DMAC1: variants seen among roughly 807,000 people sequenced by gnomAD.
The protein encoded by DMAC1 is distal membrane arm assembly component 1.
DMAC1 carries 10 observed loss-of-function variants against 7.0 expected under a neutral mutation model. That is an observed-to-expected ratio of 1.43 (90% CI 0.88 to 2.43). DMAC1 has a LOEUF of 2.43. DMAC1 is among the 30% of genes most tolerant of loss of function. The probability of loss-of-function intolerance (pLI) is 0.00; values close to 1 mark genes in which losing one functional copy is unlikely to be tolerated. For missense variants in DMAC1, 219 were observed against 158.7 expected, an observed-to-expected ratio of 1.38 and a Z score of -2.04; for synonymous variants, 92 against 66.2, an observed-to-expected ratio of 1.39 and a Z score of -1.90.
intron 1 of DMAC1, among the ~76,000 whole-genome samples, chr9:7,799,134 G>A (rs946075540): frequency 2.6e-5 from 4 of 152,084 alleles, no homozygotes; most frequent in African/African-American, 9.7e-5. Context: ...TCAAGTGACT[G>A]TCATTTCCTG....
Position 7,799,632 on chromosome 9 carries a change from GC to G in DMAC1, c.102del (p.Pro35ArgfsTer10). 6.2e-7 allele frequency: 1 copy of G among 1,613,006 alleles called. No homozygotes were observed. On this transcript the variant is annotated frameshift_variant, in exon 1 of 2. Transcript: ENST00000358227. LOFTEE classifies it high-confidence loss of function. ...AKPAPPATPG[A>X]PTSPAEHRLL... ...AGGCGGTGTTCTGCTGGGGAGGTCG[GC>G]GCTCCGGGTGTAGCTGGGGGCGCAG...
At position 7,799,621 on chromosome 9, in the gene DMAC1, T is replaced by C. The variant is rs757857229; in HGVS notation, c.114A>G (p.Pro38=). 9 of 1,613,108 alleles carry C rather than the reference T, an allele frequency of 5.6e-6. No individual in the cohort carries two copies. The highest frequency in any genetic ancestry group is 1.7e-5 in the Admixed American group (1 of 60,000). ...PPATPGAPTS[P]AEHRLLKTCW... ...AGGTCTTCAACAGGCGGTGTTCTGC[T>C]GGGGAGGTCGGCGCTCCGGGTGTAG... Residue 38 remains proline (P), a synonymous_variant, in exon 1 of 2, where the codon CCA becomes CCG. Coordinates refer to ENST00000358227, the MANE Select transcript of DMAC1 (RefSeq NM_033428.3).
Position 7,798,559 on chromosome 9 carries a change from C to T in DMAC1, c.*14G>A, listed in dbSNP as rs372684033. On this transcript the variant is annotated 3_prime_UTR_variant, in exon 2 of 2. Coordinates refer to ENST00000358227, the MANE Select transcript of DMAC1 (RefSeq NM_033428.3). ...AAGGGACAGAGACAGAAGACAGATTCACTGGTGGTACTTTCAAACAACGCG... is the reference window on the plus strand; with the variant it reads ...AAGGGACAGAGACAGAAGACAGATTTACTGGTGGTACTTTCAAACAACGCG... The T allele has an allele frequency of 1.1e-5, 18 of 1,613,674 alleles. No homozygotes were observed. The highest frequency in any genetic ancestry group is 1.6e-4 in the Middle Eastern group (1 of 6,084).
rs1273770590 is a variant in DMAC1, at chr9:7,796,624, G to A, written c.*1949C>T. 1 of 152,130 alleles carries A rather than the reference G, an allele frequency of 6.6e-6. No individual in the cohort carries two copies. The highest frequency in any genetic ancestry group is 1.9e-4 in the East Asian group (1 of 5,184). 9.4% of individuals were successfully genotyped at this position (152,130 alleles called of 1,614,324 possible). ...AACAACACAGGTTTGAACTGCGCAG[G>A]TCCACGTATCTGTGGATTTTCTTCC... is the stretch of plus-strand genomic sequence containing the variant. On this transcript the variant is annotated 3_prime_UTR_variant, in exon 2 of 2. Transcript: ENST00000358227.
Position 7,798,709 on chromosome 9 carries a change from T to A in DMAC1, c.275-72A>T, listed in dbSNP as rs565257312. On this transcript the variant is annotated intron_variant, in intron 1 of 1. Transcript: ENST00000358227. ...TACCAAGTGTTTCACATATACGCCA[T>A]CTTATTTAACCCTCACAACACTTCT... is the stretch of plus-strand genomic sequence containing the variant. 3.3e-4 allele frequency: 435 copies of A among 1,302,892 alleles called. 4 individuals are homozygous for A. In the African/African-American group the frequency reaches 5.8e-3, roughly 17 times the overall value. The allele number at this position is 1,302,892 out of a possible 1,614,324, so 80.7% of individuals were successfully genotyped here.
rs548583902 is a variant in DMAC1, at chr9:7,798,224, TATATA to T, written c.*344_*348del. On this transcript the variant is annotated 3_prime_UTR_variant, in exon 2 of 2. Transcript: ENST00000358227. ...TAACTAAACATATTTATGTTTATTA[TATATA>T]ATATGACATGCAATTATATAAGACA... The T allele has an allele frequency of 1.4e-3, 239 of 170,314 alleles. No individual in the cohort carries two copies. The highest frequency in any genetic ancestry group is 5.2e-3 in the African/African-American group (219 of 42,168). The allele number at this position is 170,314 out of a possible 1,614,324, so 10.6% of individuals were successfully genotyped here.
At position 7,798,128 on chromosome 9, in the gene DMAC1, T is replaced by G. The variant is rs1400500533; in HGVS notation, c.*445A>C. ...AAAAGAACTCTTTAAAATAATGAAGTAAAATAGCTAATTTTCCCGTTGGTT... is the reference window on the plus strand; with the variant it reads ...AAAAGAACTCTTTAAAATAATGAAGGAAAATAGCTAATTTTCCCGTTGGTT... On this transcript the variant is annotated 3_prime_UTR_variant, in exon 2 of 2. Transcript: ENST00000358227. 6.6e-6 allele frequency: 1 copy of G among 152,664 alleles called. No individual in the cohort carries two copies. Among genetic ancestry groups the G allele is most frequent in the African/African-American group, 2.4e-5 (1 of 41,440 alleles). The allele number at this position is 152,664 out of a possible 1,614,324, so 9.5% of individuals were successfully genotyped here.
At chr9:7,799,078 G>C (rs1460864010) in intron 1 of DMAC1, among the ~76,000 whole-genome samples, 2 of 151,970 alleles carry the variant, frequency 1.3e-5, no homozygotes, top group Admixed American at 1.3e-4. Flanking sequence ...GCTTTCTCCA[G>C]GACCTGGAGA....
chr9:7,797,910 T>C lies in DMAC1; in HGVS notation c.*663A>G, dbSNP rs1345877953. The C allele has an allele frequency of 6.6e-6, 1 of 152,206 alleles. No individual in the cohort carries two copies. Among genetic ancestry groups the C allele is most frequent in the Non-Finnish European group, 1.5e-5 (1 of 68,052 alleles). 9.4% of individuals were successfully genotyped at this position (152,206 alleles called of 1,614,324 possible). A position where few individuals can be genotyped will look rare whatever the true frequency, so the allele number is the denominator to read the frequency against. On this transcript the variant is annotated 3_prime_UTR_variant, in exon 2 of 2. Coordinates refer to ENST00000358227, the MANE Select transcript of DMAC1 (RefSeq NM_033428.3). ...TAGGCAAATCATGTGGGCTCTTTCT[T>C]GTGTTTTAAGTTTTACCTCCAATGA...
Position 7,798,626 on chromosome 9 carries a change from A to T in DMAC1, c.286T>A (p.Trp96Arg). ...GGGTCTGCCATGACAACGATACCCC[A>T]GGTGGCAATGCCTAGAAAAAAAACA... is the stretch of plus-strand genomic sequence containing the variant. Reference protein sequence around the residue: ...QMVIGLSIATWGIVVMADPKG... With the variant: ...QMVIGLSIATRGIVVMADPKG... Residue 96 changes from tryptophan (W) to arginine (R), a missense_variant, in exon 2 of 2, where the codon TGG (tryptophan) becomes AGG (arginine). Trp to Arg is a moderately radical substitution (Grantham distance 101). Coordinates refer to ENST00000358227, the MANE Select transcript of DMAC1 (RefSeq NM_033428.3). 7 of 1,579,770 alleles carry T rather than the reference A, an allele frequency of 4.4e-6. No individual in the cohort carries two copies. Among genetic ancestry groups the T allele is most frequent in the Non-Finnish European group, 5.2e-6 (6 of 1,159,070 alleles).
Position 7,799,706 on chromosome 9 carries a change from T to C in DMAC1, c.29A>G (p.Glu10Gly). 1 of 1,569,614 alleles carries C rather than the reference T, an allele frequency of 6.4e-7. No homozygotes were observed. Among genetic ancestry groups the C allele is most frequent in the Non-Finnish European group, 8.6e-7 (1 of 1,161,554 alleles). Residue 10 changes from glutamate to glycine, a missense_variant, in exon 1 of 2, where the codon GAG becomes GGG. Glu to Gly is a moderately conservative substitution (Grantham distance 98). Coordinates refer to ENST00000358227, the MANE Select transcript of DMAC1 (RefSeq NM_033428.3). ...ACCGGGAGGCGCAGTGATATAGGACTCAAAAGGCTGGGACAACCGAGACCC... is the reference window on the plus strand; with the variant it reads ...ACCGGGAGGCGCAGTGATATAGGACCCAAAAGGCTGGGACAACCGAGACCC... MGSRLSQPFESYITAPPGTA... is the reference protein window; with the variant it reads MGSRLSQPFGSYITAPPGTA...
rs1166197032 is a variant in DMAC1 at position 7,796,593 on chromosome 9, G to C, written c.*1980C>G. 6.6e-6 allele frequency: 1 copy of C among 152,116 alleles called. No individual in the cohort carries two copies. The highest frequency in any genetic ancestry group is 1.5e-5 in the Non-Finnish European group (1 of 68,030). The allele number at this position is 152,116 out of a possible 1,614,324, so 9.4% of individuals were successfully genotyped here. On this transcript the variant is annotated 3_prime_UTR_variant, in exon 2 of 2. Coordinates refer to ENST00000358227, the MANE Select transcript of DMAC1 (RefSeq NM_033428.3). ...ATTAAAATGCTATTACAATACAGTT[G>C]ACCCAAACAACACAGGTTTGAACTG...
intron 1 of DMAC1, 73 bp from the exon 2 acceptor site, chr9:7,798,710 C>T: frequency 2.4e-6 from 3 of 1,262,686 alleles, no homozygotes; most frequent in South Asian, 1.6e-5. Flanking sequence ...TATACGCCAT[C>T]TTATTTAACC....
At chr9:7,798,744 AT>A in intron 1 of DMAC1, 107 bp from the exon 2 acceptor site, 1 of 881,422 alleles carries the variant, frequency 1.1e-6, no homozygotes, top group Non-Finnish European at 1.6e-6. Context: ...TGGAGGATAT[AT>A]TACCATTGTA....
rs757226215 is a variant in DMAC1 at position 7,799,682 on chromosome 9, C to G, written c.53G>C (p.Gly18Ala). The G allele has an allele frequency of 1.9e-6, 3 of 1,600,096 alleles. No homozygotes were observed. The highest frequency in any genetic ancestry group is 1.1e-5 in the South Asian group (1 of 89,360). Reference sequence around the variant, plus strand: ...AGGTTTGGCGGGCGCGGCGGCGGTACCGGGAGGCGCAGTGATATAGGACTC... The same window carrying G: ...AGGTTTGGCGGGCGCGGCGGCGGTAGCGGGAGGCGCAGTGATATAGGACTC... ...PFESYITAPP[G>A]TAAAPAKPAP... Residue 18 changes from glycine to alanine, a missense_variant, in exon 1 of 2, where the codon GGT (glycine) becomes GCT (alanine). Physicochemically the swap from Gly to Ala is moderately conservative, Grantham distance 60. Coordinates refer to ENST00000358227, the MANE Select transcript of DMAC1 (RefSeq NM_033428.3).
chr9:7,799,672 G>C lies in DMAC1; in HGVS notation c.63C>G (p.Ala21=), dbSNP rs754295822. ...SYITAPPGTA[A]APAKPAPPAT... ...CTGGGGGCGCAGGTTTGGCGGGCGCGGCGGCGGTACCGGGAGGCGCAGTGA... is the reference window on the plus strand; with the variant it reads ...CTGGGGGCGCAGGTTTGGCGGGCGCCGCGGCGGTACCGGGAGGCGCAGTGA... Residue 21 remains alanine, a synonymous_variant, in exon 1 of 2, where the codon GCC becomes GCG. Coordinates refer to ENST00000358227, the MANE Select transcript of DMAC1 (RefSeq NM_033428.3). 1.2e-6 allele frequency: 2 copies of C among 1,606,366 alleles called. No individual in the cohort carries two copies. The highest frequency in any genetic ancestry group is 1.1e-5 in the South Asian group (1 of 90,386).
rs184365469 is a variant in DMAC1 at position 7,798,724 on chromosome 9, A to C, written c.275-87T>G. On this transcript the variant is annotated intron_variant, in intron 1 of 1. Coordinates refer to ENST00000358227, the MANE Select transcript of DMAC1 (RefSeq NM_033428.3). The stretch of plus-strand genomic sequence containing the variant: ...ATATACGCCATCTTATTTAACCCTC[A>C]CAACACTTCTGGAGGATATATTACC... 76 of 1,114,418 alleles carry C rather than the reference A, an allele frequency of 6.8e-5. No individual in the cohort carries two copies. The African/African-American group carries it at 1.1e-3, about 16-fold the overall frequency. The allele number at this position is 1,114,418 out of a possible 1,614,324, so 69.0% of individuals were successfully genotyped here. A position where few individuals can be genotyped will look rare whatever the true frequency, so the allele number is the denominator to read the frequency against.
At chr9:7,799,258 C>G (rs1818687043) in intron 1 of DMAC1, among the ~76,000 whole-genome samples, 1 of 151,458 alleles carries the variant, frequency 6.6e-6, no homozygotes. Context: ...AATAAGGGTT[C>G]TCAAGAAATA....
In DMAC1 at chr9:7,799,741, G is replaced by A. The variant is rs1818709949; in HGVS notation, c.-7C>T. On this transcript the variant is annotated 5_prime_UTR_variant, in exon 1 of 2. Coordinates refer to ENST00000358227, the MANE Select transcript of DMAC1 (RefSeq NM_033428.3). ...GGGACAACCGAGACCCCATGCTCTG[G>A]AACTCGGCCTCAACCTTGGGCGTCT... 3 of 1,516,324 alleles carry A rather than the reference G, an allele frequency of 2.0e-6. No individual in the cohort carries two copies. The highest frequency in any genetic ancestry group is 1.4e-5 in the African/African-American group (1 of 72,266). 93.9% of individuals were successfully genotyped at this position (1,516,324 alleles called of 1,614,324 possible). A position where few individuals can be genotyped will look rare whatever the true frequency, so the allele number is the denominator to read the frequency against.
Sources: allele counts gnomAD v4.1 joint callset (sites outside exome capture counted in the v4.1 genomes callset), GRCh38; gene constraint gnomAD v4.1.1; transcripts MANE v1.5; gene names NCBI Gene and HGNC (gene_info 2026-07-23, HGNC 2026-07-21).